The following AGBL4 variants were observed in gnomAD, a reference collection of about 807,000 sequenced individuals.
AGBL4 encodes the protein cytosolic carboxypeptidase 6.
AGBL4 carries 58 observed loss-of-function variants against 66.4 expected under a neutral mutation model. The observed-to-expected ratio is 0.87, with a 90% CI of 0.71 to 1.09. The LOEUF (loss-of-function observed/expected upper bound fraction) is 1.09, where lower values mean the gene tolerates loss of function less well. Ranked by LOEUF, AGBL4 falls within the 50% of genes least tolerant of loss-of-function variation. The probability of loss-of-function intolerance (pLI) is 0.00; values close to 1 mark genes in which losing one functional copy is unlikely to be tolerated. For synonymous variants in AGBL4, 234 were observed against 222.9 expected, an observed-to-expected ratio of 1.05 and a Z score of -0.44; for missense variants, 579 against 631.0, an observed-to-expected ratio of 0.92 and a Z score of 0.88.
rs537514517 is a variant in AGBL4, at chr1:48,586,864, A to T, written c.1267+140T>A. 1.9e-5 allele frequency: 21 copies of T among 1,101,536 alleles called. No individual in the cohort carries two copies. The African/African-American group carries it at 3.1e-4, about 16-fold the overall frequency. The allele number at this position is 1,101,536 out of a possible 1,614,324, so 68.2% of individuals were successfully genotyped here. On this transcript the variant is annotated intron_variant, in intron 11 of 13. Coordinates refer to ENST00000371839, the MANE Select transcript of AGBL4 (RefSeq NM_032785.4). ...GCAAACTGGACAATCCAAAGACGCC[A>T]CCAGAAGAAGAAGCACCTCCATCCT... is the stretch of plus-strand genomic sequence containing the variant.
intron 1 of AGBL4, among the ~76,000 whole-genome samples, chr1:49,905,012 T>C (rs1285296963): frequency 6.6e-6 from 1 of 152,224 alleles, no homozygotes; most frequent in Non-Finnish European, 1.5e-5. Flanking sequence ...TATTATTCAA[T>C]TTTGACAAAG....
chr1:48,699,316 T>C (rs1364870735), intron 6 of AGBL4, among the ~76,000 whole-genome samples: 1 of 152,240 alleles, frequency 6.6e-6, no homozygotes, highest in Non-Finnish European at 1.5e-5. Context: ...GCCTACTTTG[T>C]GGCGATGCTG....
intron 2 of AGBL4, among the ~76,000 whole-genome samples, chr1:49,798,700 A>C (rs954562535): frequency 5.3e-5 from 8 of 152,134 alleles, no homozygotes; most frequent in Non-Finnish European, 1.2e-4. Flanking sequence ...TTTAATATTG[A>C]CATTTGCAAT....
At chr1:49,301,786 C>T (rs1220016075) in intron 3 of AGBL4, among the ~76,000 whole-genome samples, 2 of 152,078 alleles carry the variant, frequency 1.3e-5, no homozygotes, top group Non-Finnish European at 2.9e-5. Context: ...CTACCCAGAC[C>T]GATGACCCCC....
At chr1:49,266,410 C>T (rs1255287461) in intron 3 of AGBL4, among the ~76,000 whole-genome samples, 1 of 152,010 alleles carries the variant, frequency 6.6e-6, no homozygotes, top group Non-Finnish European at 1.5e-5. Flanking sequence ...AAAAAAGCCT[C>T]TCTTTTCCTC....
At chr1:49,026,360 T>C (rs767602739) in intron 5 of AGBL4, among the ~76,000 whole-genome samples, 3 of 152,130 alleles carry the variant, frequency 2.0e-5, no homozygotes, top group Non-Finnish European at 4.4e-5. Flanking sequence ...TCAGGCACAG[T>C]TACTAAGCTC....
chr1:49,948,521 AAAT>A (rs1655736816), intron 1 of AGBL4, among the ~76,000 whole-genome samples: 1 of 106,560 alleles, frequency 9.4e-6, no homozygotes, highest in Admixed American at 1.2e-4. Context: ...ATAAAAATAT[AAAT>A]AAATATATAT....
At chr1:48,690,039 CCCCACCACA>C (rs1646604355) in intron 6 of AGBL4, among the ~76,000 whole-genome samples, 1 of 152,260 alleles carries the variant, frequency 6.6e-6, no homozygotes, top group Admixed American at 6.5e-5. Flanking sequence ...TTGGGGGTCT[CCCCACCACA>C]CCATCAGCAC....
intron 2 of AGBL4, chr1:49,842,225 G>C (rs1646013749): frequency 2.3e-6 from 1 of 435,250 alleles, no homozygotes; most frequent in Admixed American, 2.8e-5. Flanking sequence ...GAGGCAGCTG[G>C]AGCCTGCCCA....
At chr1:49,539,544 C>T (rs900638379) in intron 3 of AGBL4, among the ~76,000 whole-genome samples, 1 of 152,174 alleles carries the variant, frequency 6.6e-6, no homozygotes, top group African/African-American at 2.4e-5. Flanking sequence ...ACTTCTGATT[C>T]CCTTGACCTT....
At chr1:49,697,550 T>C in intron 2 of AGBL4, 113 bp from the exon 3 acceptor site, 1 of 900,324 alleles carries the variant, frequency 1.1e-6, no homozygotes. Flanking sequence ...ATTCAGTACT[T>C]GAAGGTTCAG....
intron 6 of AGBL4, among the ~76,000 whole-genome samples, chr1:48,768,948 C>T (rs777675150): frequency 6.6e-6 from 1 of 152,052 alleles, no homozygotes; most frequent in Non-Finnish European, 1.5e-5. Flanking sequence ...AGGATTGTAC[C>T]CAGCCAAGAC....
intron 1 of AGBL4, among the ~76,000 whole-genome samples, chr1:49,917,648 C>T (rs1284524040): frequency 1.3e-5 from 2 of 152,086 alleles, no homozygotes; most frequent in Non-Finnish European, 2.9e-5. Flanking sequence ...GACTTTAACA[C>T]CCCACTGTCA....
chr1:49,849,806 G>A (rs1646260701), intron 2 of AGBL4, among the ~76,000 whole-genome samples: 3 of 152,118 alleles, frequency 2.0e-5, no homozygotes, highest in Admixed American at 2.0e-4. Flanking sequence ...AAGAAAAGAT[G>A]TTATGAGAAA....
intron 4 of AGBL4, among the ~76,000 whole-genome samples, chr1:49,225,373 T>G (rs191358607): frequency 2.0e-5 from 3 of 152,312 alleles, no homozygotes; most frequent in Admixed American, 2.0e-4. Flanking sequence ...AATATCTCAT[T>G]CTTAAAAATG....
intron 4 of AGBL4, among the ~76,000 whole-genome samples, chr1:49,126,656 C>G (rs1314994112): frequency 6.6e-6 from 1 of 152,146 alleles, no homozygotes. Flanking sequence ...TTGGAAGATT[C>G]TGCACTGTAT....
At chr1:48,652,019 C>T (rs772695145) in intron 8 of AGBL4, among the ~76,000 whole-genome samples, 3 of 152,138 alleles carry the variant, frequency 2.0e-5, no homozygotes, top group Non-Finnish European at 4.4e-5. Context: ...CAGTGGAGGA[C>T]ATGCAATGGA....
At position 49,503,520 on chromosome 1, in the gene AGBL4, A is replaced by C. The variant is rs200841109; in HGVS notation, c.282+193793T>G. Among the ~76,000 whole-genome samples, 5 of 152,072 alleles carry C rather than the reference A, an allele frequency of 3.3e-5. No individual in the cohort carries two copies. The East Asian group carries it at 9.7e-4, about 29-fold the overall frequency. On this transcript the variant is annotated intron_variant, in intron 3 of 13. Coordinates refer to ENST00000371839, the MANE Select transcript of AGBL4 (RefSeq NM_032785.4). Reference sequence around the variant, plus strand: ...ACAGCTTGCTCTGTGCACCTGGAAAAGCCACAGGTACTCAACACCAGTCTG... The same window carrying C: ...ACAGCTTGCTCTGTGCACCTGGAAACGCCACAGGTACTCAACACCAGTCTG...
chr1:48,723,125 T>C (rs1004596036), intron 6 of AGBL4, among the ~76,000 whole-genome samples: 1 of 152,090 alleles, frequency 6.6e-6, no homozygotes, highest in Admixed American at 6.5e-5. Flanking sequence ...ACATGCAAAA[T>C]GGTGAAGCAG....
Sources: allele counts gnomAD v4.1 joint callset (sites outside exome capture counted in the v4.1 genomes callset), GRCh38; gene constraint gnomAD v4.1.1; transcripts MANE v1.5; gene names NCBI Gene and HGNC (gene_info 2026-07-23, HGNC 2026-07-21).